MOB4: variants seen among roughly 807,000 people sequenced by gnomAD.
The protein encoded by MOB4 is MOB family member 4, phocein, also known as MOB-like protein phocein.
Under a neutral mutation model 32.2 loss-of-function variants are expected in MOB4, and 4 were observed. That is an observed-to-expected ratio of 0.12 (90% CI 0.06 to 0.28). The LOEUF (loss-of-function observed/expected upper bound fraction) is 0.28, where lower values mean the gene tolerates loss of function less well. Among genes scored for constraint, MOB4 ranks in the 10% least tolerant of loss-of-function variants. The pLI, the probability that MOB4 is intolerant of heterozygous loss-of-function variation, is 1.00. For synonymous variants in MOB4, 88 were observed against 88.1 expected (o/e 1.00, Z 0.01); for missense variants, 158 against 271.2 (o/e 0.58, Z 2.93).
At chr2:197,550,226 T>C in intron 6 of MOB4, 49 bp from the exon 7 acceptor site, 1 of 1,532,428 alleles carries the variant, frequency 6.5e-7, no homozygotes, top group Non-Finnish European at 8.8e-7. Context: ...ATATTGTTCC[T>C]AAGATTCTAT....
intron 1 of MOB4, among the ~76,000 whole-genome samples, chr2:197,519,340 A>G (rs2086473989): frequency 6.6e-6 from 1 of 152,200 alleles, no homozygotes. Context: ...TCTTTTCTAT[A>G]TATAGTCATC....
At chr2:197,529,513 G>A (rs889860315) in intron 2 of MOB4, among the ~76,000 whole-genome samples, 14 of 150,470 alleles carry the variant, frequency 9.3e-5, no homozygotes, top group African/African-American at 2.7e-4. Flanking sequence ...CGCCACAGCC[G>A]CCTCATTTTT....
intron 2 of MOB4, among the ~76,000 whole-genome samples, chr2:197,530,278 T>C (rs1343110143): frequency 6.6e-6 from 1 of 151,058 alleles, no homozygotes; most frequent in Non-Finnish European, 1.5e-5. Flanking sequence ...TCTATTTTTA[T>C]TTTTTTTTGA....
At chr2:197,541,115 G>T (rs945613994) in intron 5 of MOB4, among the ~76,000 whole-genome samples, 1 of 151,910 alleles carries the variant, frequency 6.6e-6, no homozygotes, top group Non-Finnish European at 1.5e-5. Flanking sequence ...TGGCAAGCCT[G>T]GTCTCAAACT....
intron 5 of MOB4, among the ~76,000 whole-genome samples, chr2:197,541,924 A>AC (rs1411688899): frequency 7.9e-6 from 1 of 127,356 alleles, no homozygotes; most frequent in Admixed American, 7.9e-5. Flanking sequence ...GTCTCAAAAA[A>AC]AATAAAAAAT....
At chr2:197,539,384 T>A (rs1205827628) in intron 3 of MOB4, among the ~76,000 whole-genome samples, 1 of 150,184 alleles carries the variant, frequency 6.7e-6, no homozygotes, top group Non-Finnish European at 1.5e-5. Context: ...AGTAGTGTGA[T>A]CTTGGCTCAC....
chr2:197,530,393 G>T (rs1275127015), intron 2 of MOB4, among the ~76,000 whole-genome samples: 1 of 151,254 alleles, frequency 6.6e-6, no homozygotes, highest in Non-Finnish European at 1.5e-5. Context: ...TCACCTTTCT[G>T]AGTAGCTATG....
At chr2:197,525,709 C>CAA (rs368659222) in intron 2 of MOB4, among the ~76,000 whole-genome samples, 110 of 64,592 alleles carry the variant, frequency 1.7e-3, no homozygotes, top group African/African-American at 4.9e-3. Flanking sequence ...GACCCTATCT[C>CAA]AAAAAAAAAA....
At position 197,553,424 on chromosome 2, in the gene MOB4, CT is replaced by C. The variant is rs909439592; in HGVS notation, c.*2779del. ...CAAAACTCCGTCTCAAAAACTCCGT[CT>C]CAAAAAAAAAAAATCCTTGATTACA... On this transcript the variant is annotated 3_prime_UTR_variant, in exon 8 of 8. Transcript: ENST00000323303. 1 of 150,418 alleles carries C rather than the reference CT, an allele frequency of 6.6e-6. No homozygotes were observed. Among genetic ancestry groups the C allele is most frequent in the African/African-American group, 2.4e-5 (1 of 40,932 alleles). The allele number at this position is 150,418 out of a possible 1,614,324, so 9.3% of individuals were successfully genotyped here. A position where few individuals can be genotyped will look rare whatever the true frequency, so the allele number is the denominator to read the frequency against.
chr2:197,524,583 G>T (rs1574628550), intron 2 of MOB4, among the ~76,000 whole-genome samples: 1 of 151,928 alleles, frequency 6.6e-6, no homozygotes. Context: ...TCATTAAGGG[G>T]CTAATAAAAA....
intron 2 of MOB4, among the ~76,000 whole-genome samples, chr2:197,526,147 T>C (rs2086607811): frequency 6.6e-6 from 1 of 152,216 alleles, no homozygotes; most frequent in South Asian, 2.1e-4. Context: ...TTTTTCACTG[T>C]TGAGTATGAT....
At chr2:197,527,875 A>G (rs1036768761) in intron 2 of MOB4, among the ~76,000 whole-genome samples, 1 of 152,124 alleles carries the variant, frequency 6.6e-6, no homozygotes, top group African/African-American at 2.4e-5. Flanking sequence ...TCTTTTCTGC[A>G]TTGGTATGAT....
At chr2:197,530,527 G>A (rs924830606) in intron 2 of MOB4, among the ~76,000 whole-genome samples, 12 of 151,986 alleles carry the variant, frequency 7.9e-5, no homozygotes, top group Admixed American at 1.3e-4. Flanking sequence ...AGCCTGCTAA[G>A]TTTTTCAGCA....
intron 3 of MOB4, among the ~76,000 whole-genome samples, chr2:197,538,633 A>G (rs985405843): frequency 6.6e-6 from 1 of 152,120 alleles, no homozygotes; most frequent in African/African-American, 2.4e-5. Flanking sequence ...CAGCTGCACA[A>G]CTGTGTACAT....
intron 3 of MOB4, among the ~76,000 whole-genome samples, chr2:197,536,861 G>T (rs2086808871): frequency 6.6e-6 from 1 of 151,896 alleles, no homozygotes; most frequent in Admixed American, 6.6e-5. Flanking sequence ...CTCCCAAAGT[G>T]CTGGGATTAC....
chr2:197,515,761 C>T (rs1414571238), upstream of MOB4: 13 of 394,204 alleles, frequency 3.3e-5, no homozygotes, highest in Non-Finnish European at 4.1e-5. Flanking sequence ...TACCAACGTG[C>T]AACGCAGCCG....
chr2:197,519,188 G>A (rs964840233), intron 1 of MOB4, among the ~76,000 whole-genome samples: 1 of 152,174 alleles, frequency 6.6e-6, no homozygotes, highest in Non-Finnish European at 1.5e-5. Context: ...AAGCCACCAC[G>A]CTGGGCTTCA....
chr2:197,524,643 ATTTT>A (rs1242282778), intron 2 of MOB4, among the ~76,000 whole-genome samples: 1 of 151,976 alleles, frequency 6.6e-6, no homozygotes, highest in African/African-American at 2.4e-5. Flanking sequence ...CATTGGTTAA[ATTTT>A]TTTTGTTTTG....
intron 1 of MOB4, among the ~76,000 whole-genome samples, chr2:197,519,048 G>A (rs1055167261): frequency 2.6e-5 from 4 of 151,226 alleles, no homozygotes; most frequent in African/African-American, 4.9e-5. Flanking sequence ...ATGAGCCACT[G>A]CGCCCAGCCA....
Sources: gnomAD v4.1 joint callset for allele counts (sites outside exome capture counted in the v4.1 genomes callset) on GRCh38, gnomAD v4.1.1 for gene constraint, MANE v1.5 for transcripts, NCBI Gene and HGNC (gene_info 2026-07-23, HGNC 2026-07-21) for gene names.